The following ANO8 variants were observed in gnomAD, a reference collection of about 807,000 sequenced individuals.
ANO8 encodes anoctamin-8.
In ANO8, 67 loss-of-function variants were observed where a neutral mutation model predicts 120.4. The ratio of observed to expected loss-of-function variants is 0.56; its 90% CI spans 0.46 to 0.68. The LOEUF (loss-of-function observed/expected upper bound fraction) is 0.68. Among genes scored for constraint, ANO8 ranks in the 30% least tolerant of loss-of-function variants. ANO8 has a pLI of 0.00. For missense variants in ANO8, 1,526 were observed against 1,737.6 expected (o/e 0.88, Z 2.16); for synonymous variants, 727 against 759.2 (o/e 0.96, Z 0.70).
rs775528491 is a variant in ANO8, at chr19:17,330,215, C to T, written c.1183G>A (p.Ala395Thr). 2.5e-6 allele frequency: 4 copies of T among 1,613,888 alleles called. No individual in the cohort carries two copies. The Admixed American group carries it at 6.7e-5, about 27-fold the overall frequency. Residue 395 changes from alanine to threonine, a missense_variant, in exon 10 of 18, where the codon GCC becomes ACC. Coordinates refer to ENST00000159087, the MANE Select transcript of ANO8 (RefSeq NM_020959.3). ...VLSVKGLPRLARFLPKVMLAL... is the reference protein window; with the variant it reads ...VLSVKGLPRLTRFLPKVMLAL... ...AGCATGACCTTAGGCAGGAATCGGG[C>T]GAGACGGGGCAACCCCTTCACGCTC...
rs1374499302 is a variant in ANO8 at position 17,323,614 on chromosome 19, G to C, written c.3602C>G (p.Pro1201Arg). The change falls in exon 18 of 18, where the codon CCG (proline) becomes CGG (arginine). Residue 1201 changes from proline (P) to arginine (R), a missense_variant. Coordinates refer to ENST00000159087, the MANE Select transcript of ANO8 (RefSeq NM_020959.3). ...GAGGGGATCCGAGGTGGGCGGTAGC[G>C]GTGGGGGCGGGAGGCTGTAAAAGCT... ...DASFYSLPPP[P>R]LPPTSDPLET... 1 of 1,240,774 alleles carries C rather than the reference G, an allele frequency of 8.1e-7. No individual in the cohort carries two copies. The highest frequency in any genetic ancestry group is 1.5e-5 in the African/African-American group (1 of 64,878). The allele number at this position is 1,240,774 out of a possible 1,614,324, so 76.9% of individuals were successfully genotyped here. A position where few individuals can be genotyped will look rare whatever the true frequency, so the allele number is the denominator to read the frequency against.
rs772038959 is a variant in ANO8, at chr19:17,328,411, C to T, written c.1977G>A (p.Glu659=). 217 of 1,572,772 alleles carry T rather than the reference C, an allele frequency of 1.4e-4. 1 individual carries two copies. The highest frequency in any genetic ancestry group is 3.6e-5 in the Admixed American group (2 of 54,862). ...LEPGVFTLAE[E]DDEAEGAPGS... ...CGGGAGCCCCCTCCGCCTCGTCGTC[C>T]TCCTCGGCCAGGGTGAACACTCCCG... Residue 659 remains glutamate (E), a synonymous_variant, in exon 13 of 18, where the codon GAG becomes GAA. Transcript: ENST00000159087.
intron 17 of ANO8, 66 bp downstream of exon 17, chr19:17,324,651 C>T (rs2074260612): frequency 9.9e-6 from 15 of 1,508,098 alleles, no homozygotes; most frequent in Non-Finnish European, 1.3e-5. Flanking sequence ...TCTCCCCAGG[C>T]CTGGCCACCC....
chr19:17,334,646 C>G lies in ANO8; in HGVS notation c.25G>C (p.Gly9Arg), dbSNP rs749427259. 1.3e-6 allele frequency: 2 copies of G among 1,483,496 alleles called. No individual in the cohort carries two copies. The highest frequency in any genetic ancestry group is 1.5e-5 in the African/African-American group (1 of 68,160). The allele number at this position is 1,483,496 out of a possible 1,614,324, so 91.9% of individuals were successfully genotyped here. ...CGCTCGCCCTCCAGGGACGTGCCCC[C>G]GGCGCCGGAGGCGGCCTCGGCCATG... MAEAASGA[G>R]GTSLEGERGK... The change falls in exon 1 of 18, where the codon GGG becomes CGG. Residue 9 changes from glycine (G) to arginine (R), a missense_variant. By Grantham distance (125) the Gly-to-Arg change is moderately radical. Around this residue, in one of 8 missense-constraint regions of ANO8, gnomAD observed 53 missense variants for 45.0 expected, o/e 1.18. Transcript: ENST00000159087.
chr19:17,333,331 A>C lies in ANO8; in HGVS notation c.350+91T>G. The C allele has an allele frequency of 1.2e-6, 2 of 1,605,038 alleles. No homozygotes were observed. Among genetic ancestry groups the C allele is most frequent in the Non-Finnish European group, 1.7e-6 (2 of 1,174,478 alleles). On this transcript the variant is annotated intron_variant, in intron 3 of 17. Transcript: ENST00000159087. The surrounding 1 kb of genome is among the most constrained non-coding windows in gnomAD (Gnocchi z 7.2). ...GGTGCACCTGGCAGCCTTTGGGACA[A>C]ACGCAGGGCGGCTGGATAGCATGGT...
rs539903863 is a variant in ANO8, at chr19:17,328,547, A to G, written c.1841T>C (p.Leu614Pro). The G allele has an allele frequency of 6.5e-6, 10 of 1,548,524 alleles. No individual in the cohort carries two copies. Among genetic ancestry groups the G allele is most frequent in the East Asian group, 4.9e-5 (2 of 41,126 alleles). ...GCGCTCAGCGAAGCTGACCTTCTTC[A>G]GCCGGAGCCCGCAGTCCAGGAGGCC... ...EGGLLDCGLR[L>P]KKVSFAERGA... Residue 614 changes from leucine (L) to proline (P), a missense_variant, in exon 13 of 18, where the codon CTG becomes CCG. Transcript: ENST00000159087.
chr19:17,329,152 G>A (rs528667877), intron 12 of ANO8, 169 bp from the exon 13 acceptor site: 646 of 534,276 alleles, frequency 1.2e-3, no homozygotes, highest in Non-Finnish European at 1.7e-3. Flanking sequence ...GGCCCCCAGC[G>A]CTCAGCCACA....
In ANO8 at chr19:17,330,947, C is replaced by T. The variant is rs773266685; in HGVS notation, c.874G>A (p.Val292Met). 145 of 1,614,044 alleles carry T rather than the reference C, an allele frequency of 9.0e-5. No individual in the cohort carries two copies. Among genetic ancestry groups the T allele is most frequent in the Non-Finnish European group, 1.1e-4 (134 of 1,180,044 alleles). The change falls in exon 8 of 18, where the codon GTG (valine) becomes ATG (methionine). Residue 292 changes from valine (V) to methionine (M), a missense_variant. Physicochemically the swap from Val to Met is conservative, Grantham distance 21 (BLOSUM62 1). This residue lies in a region of ANO8 where 322 missense variants were observed against 431.8 expected (regional missense o/e 0.75). Coordinates refer to ENST00000159087, the MANE Select transcript of ANO8 (RefSeq NM_020959.3). ...VSCVVFALFN[V>M]IWSTLFLEEW... Reference sequence around the variant, plus strand: ...TCTAGGAACAGCGTCGACCAGATCACGTTGAAGAGGGCAAAGACCACGCAG... The same window carrying T: ...TCTAGGAACAGCGTCGACCAGATCATGTTGAAGAGGGCAAAGACCACGCAG...
Position 17,323,525 on chromosome 19 carries a change from A to G in ANO8, c.3691T>C (p.Trp1231Arg). The G allele has an allele frequency of 7.8e-7, 1 of 1,289,408 alleles. No individual in the cohort carries two copies. The highest frequency in any genetic ancestry group is 9.8e-7 in the Non-Finnish European group (1 of 1,017,854). 79.9% of individuals were successfully genotyped at this position (1,289,408 alleles called of 1,614,324 possible). A position where few individuals can be genotyped will look rare whatever the true frequency, so the allele number is the denominator to read the frequency against. The change falls in exon 18 of 18, where the codon TGG becomes CGG. Residue 1231 changes from tryptophan (W) to arginine (R), a missense_variant. Coordinates refer to ENST00000159087, the MANE Select transcript of ANO8 (RefSeq NM_020959.3). Reference protein sequence around the residue: ...SPQAVCWPSGWH With the variant: ...SPQAVCWPSGRH ...AGGCAGGGCGGGTAGAGCTAATGCC[A>G]GCCGCTGGGCCAGCACACGGCCTGG...
At chr19:17,332,803 T>G (rs1048567272) in intron 5 of ANO8, 127 bp downstream of exon 5, 1 of 1,033,104 alleles carries the variant, frequency 9.7e-7, no homozygotes, top group Non-Finnish European at 1.4e-6. Flanking sequence ...AGCTCATTGG[T>G]TTCCTAACTC....
At chr19:17,332,642 T>G (rs1325130967) in intron 5 of ANO8, among the ~76,000 whole-genome samples, 1 of 152,074 alleles carries the variant, frequency 6.6e-6, no homozygotes, top group African/African-American at 2.4e-5. Flanking sequence ...GGCCAAAGCC[T>G]CGCCCCCTCA....
At chr19:17,328,121 G>GGCGAGGCCCCGCCCTCT in intron 13 of ANO8, 41 bp downstream of exon 13, 8 of 1,436,412 alleles carry the variant, frequency 5.6e-6, no homozygotes, top group Non-Finnish European at 7.5e-6. Context: ...TCCCGTCCCC[G>GGCGAGGCCCCGCCCTCT]GCGAGGCCCC....
At position 17,327,696 on chromosome 19, in the gene ANO8, T is replaced by G; in HGVS notation, c.2411A>C (p.Gln804Pro). ...PFGQRVESIG[Q>P]WQKVMEAMGV... Reference sequence around the variant, plus strand: ...CTCTTGGCTTCCCCCCACCTGCCACTGGCCGATGCTTTCCACGCGCTGGCC... The same window carrying G: ...CTCTTGGCTTCCCCCCACCTGCCACGGGCCGATGCTTTCCACGCGCTGGCC... Residue 804 changes from glutamine to proline, a missense_variant, in exon 14 of 18, where the codon CAG becomes CCG. Around this residue, in one of 8 missense-constraint regions of ANO8, gnomAD observed 77 missense variants for 131.5 expected, o/e 0.59. Transcript: ENST00000159087. 1 of 1,612,840 alleles carries G rather than the reference T, an allele frequency of 6.2e-7. No homozygotes were observed. Among genetic ancestry groups the G allele is most frequent in the Non-Finnish European group, 8.5e-7 (1 of 1,179,330 alleles).
chr19:17,330,071 GA>G, intron 10 of ANO8, 53 bp downstream of exon 10: 1 of 1,613,906 alleles, frequency 6.2e-7, no homozygotes, highest in Non-Finnish European at 8.5e-7. Flanking sequence ...GGGTGGCAGG[GA>G]TCCCAAGGGG....
At chr19:17,329,683 C>A (rs2074302390) in intron 12 of ANO8, 74 bp downstream of exon 12, 4 of 1,201,864 alleles carry the variant, frequency 3.3e-6, no homozygotes, top group Middle Eastern at 1.9e-4. Flanking sequence ...GCCCTTGGAC[C>A]CCTTGTGCCG....
Position 17,327,734 on chromosome 19 carries a change from C to A in ANO8, c.2373G>T (p.Leu791=). ...CCACGCGCTGGCCGAAGGGCCGCTG[C>A]AGCCCGGTGCACAGCTTGAAGGCGT... The part of the protein sequence containing the change: ...RSDAFKLCTG[L]QRPFGQRVES... The change falls in exon 14 of 18, where the codon CTG becomes CTT. Residue 791 remains leucine, a synonymous_variant. Transcript: ENST00000159087. 1 of 1,613,996 alleles carries A rather than the reference C, an allele frequency of 6.2e-7. No homozygotes were observed. Among genetic ancestry groups the A allele is most frequent in the Non-Finnish European group, 8.5e-7 (1 of 1,179,978 alleles).
At chr19:17,325,416 TAAG>T (rs1175322296) in intron 16 of ANO8, 30 bp from the exon 17 acceptor site, 17 of 1,548,368 alleles carry the variant, frequency 1.1e-5, no homozygotes, top group Non-Finnish European at 1.3e-5. Context: ...GTTACAGGAC[TAAG>T]AAGAAAGGGT....
In ANO8 at chr19:17,328,155, T is replaced by TGCCAGGCCCCGCCC; in HGVS notation, c.2226+6_2226+7insGGGCGGGGCCTGGC. On this transcript the variant is annotated splice_region_variant and intron_variant, in intron 13 of 17. Transcript: ENST00000159087. The stretch of plus-strand genomic sequence containing the variant: ...CCGCCCCCTGCGAGGCCCCGCCCCC[T>TGCCAGGCCCCGCCC]CCTCACCTCGTACTTCTTCATACAG... The TGCCAGGCCCCGCCC allele has an allele frequency of 7.7e-7, 1 of 1,304,982 alleles. No individual in the cohort carries two copies. Among genetic ancestry groups the TGCCAGGCCCCGCCC allele is most frequent in the Non-Finnish European group, 1.0e-6 (1 of 968,202 alleles). The allele number at this position is 1,304,982 out of a possible 1,614,324, so 80.8% of individuals were successfully genotyped here. A position where few individuals can be genotyped will look rare whatever the true frequency, so the allele number is the denominator to read the frequency against.
chr19:17,327,224 G>A lies in ANO8; in HGVS notation c.2661+11C>T. 1 of 1,521,396 alleles carries A rather than the reference G, an allele frequency of 6.6e-7. No individual in the cohort carries two copies. The highest frequency in any genetic ancestry group is 8.9e-7 in the Non-Finnish European group (1 of 1,128,636). The allele number at this position is 1,521,396 out of a possible 1,614,324, so 94.2% of individuals were successfully genotyped here. On this transcript the variant is annotated intron_variant, in intron 16 of 17. Transcript: ENST00000159087. ...CCAATGAGAAAACCGAGCCCAGCCT[G>A]GCCCCCCTACCTTAAAGGCCTCGCG...
Sources: allele counts gnomAD v4.1 joint callset (sites outside exome capture counted in the v4.1 genomes callset), GRCh38; gene constraint gnomAD v4.1.1; regional missense constraint gnomAD v4.1.1; non-coding constraint Gnocchi (gnomAD v3.1); transcripts MANE v1.5; gene names NCBI Gene and HGNC (gene_info 2026-07-23, HGNC 2026-07-21).